The following LARP1 variants were observed in gnomAD, a reference collection of about 807,000 sequenced individuals.
LARP1 encodes the protein La ribonucleoprotein 1, translational regulator, also known as la-related protein 1.
Under a neutral mutation model 122.7 loss-of-function variants are expected in LARP1, and 36 were observed. The ratio of observed to expected loss-of-function variants is 0.29; its 90% CI spans 0.22 to 0.39. The LOEUF is 0.39. Among genes scored for constraint, LARP1 ranks in the 10% least tolerant of loss-of-function variants. The pLI is 1.00. For missense variants in LARP1, 1,040 were observed against 1,403.6 expected (o/e 0.74, Z 4.14); for synonymous variants, 539 against 528.7 (o/e 1.02, Z -0.27).
At position 154,808,337 on chromosome 5, in the gene LARP1, A is replaced by T. The variant is rs1318772617; in HGVS notation, c.2699-122A>T. On this transcript the variant is annotated intron_variant, in intron 15 of 18. Coordinates refer to ENST00000518297, the MANE Select transcript of LARP1 (RefSeq NM_033551.3). ...CTGCTGAATGACTGAGTGGCAGATG[A>T]TGAGTGAGGGGATTTGGAAGTACAT... 8 of 1,179,572 alleles carry T rather than the reference A, an allele frequency of 6.8e-6. No homozygotes were observed. In the Admixed American group the frequency reaches 2.0e-4, roughly 30 times the overall value. 73.1% of individuals were successfully genotyped at this position (1,179,572 alleles called of 1,614,324 possible). A position where few individuals can be genotyped will look rare whatever the true frequency, so the allele number is the denominator to read the frequency against.
intron 1 of LARP1, among the ~76,000 whole-genome samples, chr5:154,737,764 C>G (rs1162444917): frequency 1.3e-5 from 2 of 152,084 alleles, no homozygotes; most frequent in Admixed American, 1.3e-4. Context: ...AAGCTTCTGC[C>G]AAGTCTCTCT....
At chr5:154,683,213 C>CT (rs1753776744) in intron 1 of LARP1, among the ~76,000 whole-genome samples, 1 of 152,266 alleles carries the variant, frequency 6.6e-6, no homozygotes, top group Non-Finnish European at 1.5e-5. Context: ...ACAGGAGCCG[C>CT]TTTGCAGCAT....
Position 154,816,479 on chromosome 5 carries a change from T to C in LARP1, c.*2383T>C, listed in dbSNP as rs1759675084. ...CCCTTTGGGGCAGGGAGGTGAGGAC[T>C]TCATCTCAACATCGGCTGGTGGTTG... is the stretch of plus-strand genomic sequence containing the variant. On this transcript the variant is annotated 3_prime_UTR_variant, in exon 19 of 19. Transcript: ENST00000518297. The C allele has an allele frequency of 6.5e-6, 1 of 152,736 alleles. No individual in the cohort carries two copies. Among genetic ancestry groups the C allele is most frequent in the South Asian group, 2.1e-4 (1 of 4,834 alleles). 9.5% of individuals were successfully genotyped at this position (152,736 alleles called of 1,614,324 possible).
At chr5:154,702,715 T>C (rs141489847) in intron 1 of LARP1, among the ~76,000 whole-genome samples, 21 of 152,282 alleles carry the variant, frequency 1.4e-4, no homozygotes, top group African/African-American at 4.8e-4. Flanking sequence ...CATCCACTTA[T>C]TTGTCCTCTA....
At chr5:154,809,909 G>A (rs1759118731) in intron 16 of LARP1, among the ~76,000 whole-genome samples, 1 of 151,600 alleles carries the variant, frequency 6.6e-6, no homozygotes, top group East Asian at 1.9e-4. Flanking sequence ...AGGTTTCGCT[G>A]TGTTAGCCAG....
chr5:154,788,545 G>A (rs1046060670), intron 1 of LARP1, among the ~76,000 whole-genome samples: 2 of 152,182 alleles, frequency 1.3e-5, no homozygotes, highest in South Asian at 4.1e-4. Context: ...GGGTTTGGGG[G>A]CAGCTCTCGC....
At chr5:154,781,577 G>T (rs766511125) in intron 1 of LARP1, among the ~76,000 whole-genome samples, 2 of 151,576 alleles carry the variant, frequency 1.3e-5, no homozygotes, top group East Asian at 3.9e-4. Flanking sequence ...TGGGTGACAA[G>T]AGTGAGACTC....
chr5:154,764,029 C>T (rs1561578145), intron 1 of LARP1, among the ~76,000 whole-genome samples: 1 of 150,880 alleles, frequency 6.6e-6, no homozygotes, highest in Admixed American at 6.6e-5. Flanking sequence ...AAAAAGCTGC[C>T]TGGGTGCGGT....
chr5:154,697,200 A>AT (rs1214458879), intron 1 of LARP1, among the ~76,000 whole-genome samples: 5 of 94,434 alleles, frequency 5.3e-5, no homozygotes, highest in Non-Finnish European at 1.1e-4. Flanking sequence ...GTAGCTTTTT[A>AT]TCTTTTTTTT....
chr5:154,756,172 G>A lies in LARP1; in HGVS notation c.415G>A (p.Val139Met). The A allele has an allele frequency of 1.5e-6, 2 of 1,312,126 alleles. No homozygotes were observed. Among genetic ancestry groups the A allele is most frequent in the South Asian group, 1.2e-5 (1 of 83,812 alleles). The allele number at this position is 1,312,126 out of a possible 1,614,324, so 81.3% of individuals were successfully genotyped here. A position where few individuals can be genotyped will look rare whatever the true frequency, so the allele number is the denominator to read the frequency against. ...CGCATTGCCGCCGGTCCTGACCACC[G>A]TGAACGGACAGTCCCCCCCAGGTGG... ...KNALPPVLTT[V>M]NGQSPPEHSA... Residue 139 changes from valine to methionine, a missense_variant, in exon 1 of 19, where the codon GTG (valine) becomes ATG (methionine). By Grantham distance (21) the Val-to-Met change is conservative. Around this residue, in one of 8 missense-constraint regions of LARP1, gnomAD observed 257 missense variants for 273.3 expected, o/e 0.94. Transcript: ENST00000518297.
chr5:154,761,974 G>T (rs575249476), intron 1 of LARP1, among the ~76,000 whole-genome samples: 1 of 152,306 alleles, frequency 6.6e-6, no homozygotes, highest in Non-Finnish European at 1.5e-5. Flanking sequence ...GGGCGCGGGG[G>T]TTCACACCTG....
chr5:154,771,037 A>G (rs1205966843), intron 1 of LARP1, among the ~76,000 whole-genome samples: 1 of 151,266 alleles, frequency 6.6e-6, no homozygotes, highest in Non-Finnish European at 1.5e-5. Flanking sequence ...GCTTGAACGC[A>G]GGAGGTGGAG....
rs1469976366 is a variant in LARP1 at position 154,814,110 on chromosome 5, C to T, written c.*14C>T. 31 of 1,613,568 alleles carry T rather than the reference C, an allele frequency of 1.9e-5. No individual in the cohort carries two copies. Among genetic ancestry groups the T allele is most frequent in the Middle Eastern group, 1.6e-4 (1 of 6,084 alleles). ...TTGGGAAAGTGAAAAGCTCCTTAGCCCTGGGGCTTGAGGGGGGAAAGGGGT... is the reference window on the plus strand; with the variant it reads ...TTGGGAAAGTGAAAAGCTCCTTAGCTCTGGGGCTTGAGGGGGGAAAGGGGT... On this transcript the variant is annotated 3_prime_UTR_variant, in exon 19 of 19. Coordinates refer to ENST00000518297, the MANE Select transcript of LARP1 (RefSeq NM_033551.3).
At chr5:154,810,573 C>T (rs1482155044) in intron 16 of LARP1, among the ~76,000 whole-genome samples, 2 of 152,012 alleles carry the variant, frequency 1.3e-5, no homozygotes, top group Admixed American at 6.5e-5. Context: ...CTGCAACCTC[C>T]ACCTCCCAGG....
intron 8 of LARP1, among the ~76,000 whole-genome samples, chr5:154,796,364 C>G (rs905481060): frequency 2.6e-5 from 4 of 151,016 alleles, no homozygotes; most frequent in African/African-American, 7.3e-5. Context: ...AAAAAACTAA[C>G]AAGACCTGTG....
chr5:154,724,815 C>T (rs533684790), intron 1 of LARP1, among the ~76,000 whole-genome samples: 12 of 152,160 alleles, frequency 7.9e-5, no homozygotes, highest in East Asian at 1.9e-4. Context: ...TACAGGTGCA[C>T]GCCACCATAC....
At position 154,713,961 on chromosome 5, in the gene LARP1, A is replaced by G. The variant is rs1053721727; in HGVS notation, c.205+831A>G. Among the ~76,000 whole-genome samples the G allele has an allele frequency of 5.3e-5, 8 of 152,214 alleles. 1 individual carries two copies. The highest frequency in any genetic ancestry group is 1.9e-4 in the African/African-American group (8 of 41,458). On this transcript the variant is annotated intron_variant, in intron 1 of 18. Transcript: ENST00000336314. ...TGAACACAGGGCCTGGAGGCCAGGA[A>G]TATATGGTAGATACCGCTTGTGCTG...
upstream of LARP1, among the ~76,000 whole-genome samples, chr5:154,712,392 G>A (rs1377734067): frequency 6.6e-6 from 1 of 152,154 alleles, no homozygotes; most frequent in Non-Finnish European, 1.5e-5. Flanking sequence ...CTCGGGTTTG[G>A]ATCCTCACAC....
intron 1 of LARP1, among the ~76,000 whole-genome samples, chr5:154,739,624 C>T (rs115344307): frequency 1.6e-3 from 245 of 152,104 alleles, no homozygotes; most frequent in African/African-American, 5.4e-3. Context: ...ATCTCACACT[C>T]CTGGCCTCAA....
Sources: gnomAD v4.1 joint callset for allele counts (sites outside exome capture counted in the v4.1 genomes callset) on GRCh38, gnomAD v4.1.1 for gene constraint, gnomAD v4.1.1 regional missense constraint, MANE v1.5 for transcripts, NCBI Gene and HGNC (gene_info 2026-07-23, HGNC 2026-07-21) for gene names.